SCFD2: variants seen among roughly 807,000 people sequenced by gnomAD.
The protein encoded by SCFD2 is sec1 family domain containing 2.
In SCFD2, 54 loss-of-function variants were observed where a neutral mutation model predicts 58.9. The ratio of observed to expected loss-of-function variants is 0.92; its 90% confidence interval spans 0.74 to 1.15. The LOEUF (loss-of-function observed/expected upper bound fraction) is 1.15, where lower values mean the gene tolerates loss of function less well. SCFD2 is among the 50% of genes most tolerant of loss of function. The pLI, the probability that SCFD2 is intolerant of heterozygous loss-of-function variation, is 0.00. For synonymous variants in SCFD2, 321 were observed against 335.9 expected (o/e 0.96, Z 0.49); for missense variants, 805 against 836.6 (o/e 0.96, Z 0.47).
intron 5 of SCFD2, among the ~76,000 whole-genome samples, chr4:53,125,813 A>C (rs1376241632): frequency 6.6e-6 from 1 of 152,246 alleles, no homozygotes; most frequent in Admixed American, 6.5e-5. Flanking sequence ...GGGCCTGATC[A>C]CTAAAGGGAG....
chr4:52,999,389 G>C (rs1480949591), intron 5 of SCFD2, among the ~76,000 whole-genome samples: 1 of 152,132 alleles, frequency 6.6e-6, no homozygotes, highest in East Asian at 1.9e-4. Flanking sequence ...TGTTCCTCTT[G>C]CCCAGAGGTA....
At chr4:52,970,230 C>A (rs960201251) in intron 5 of SCFD2, among the ~76,000 whole-genome samples, 3 of 152,184 alleles carry the variant, frequency 2.0e-5, no homozygotes, top group African/African-American at 7.2e-5. Flanking sequence ...ATCGCCTCAC[C>A]CGGTAAGTGC....
Position 53,226,224 on chromosome 4 carries a change from T to C in SCFD2, c.1311+47602A>G, listed in dbSNP as rs1729207669. ...GGTTTGTGATACTGCCTTTAACAAA[T>C]AAAAAAGTCACTAAAATACTCTTGC... On this transcript the variant is annotated intron_variant, in intron 4 of 8. Transcript: ENST00000401642. Among the ~76,000 whole-genome samples the C allele has an allele frequency of 2.6e-5, 4 of 152,132 alleles. No individual in the cohort carries two copies. The South Asian group carries it at 8.3e-4, about 32-fold the overall frequency.
chr4:53,121,693 T>C (rs1406268877), intron 5 of SCFD2, among the ~76,000 whole-genome samples: 7 of 152,198 alleles, frequency 4.6e-5, no homozygotes, highest in Admixed American at 3.9e-4. Context: ...ATCAGAATAG[T>C]GTCCTGCAAA....
At chr4:52,985,431 G>T (rs563848479) in intron 5 of SCFD2, among the ~76,000 whole-genome samples, 4 of 152,170 alleles carry the variant, frequency 2.6e-5, no homozygotes, top group African/African-American at 9.6e-5. Flanking sequence ...AAAATAGAAG[G>T]CTTTCAAGTT....
At chr4:53,359,056 A>G (rs1202027369) in intron 1 of SCFD2, among the ~76,000 whole-genome samples, 6 of 152,236 alleles carry the variant, frequency 3.9e-5, no homozygotes, top group Admixed American at 2.0e-4. Context: ...GCTTAGCACA[A>G]AATAGGCACT....
intron 5 of SCFD2, among the ~76,000 whole-genome samples, chr4:52,994,777 T>A (rs1433623428): frequency 1.3e-5 from 2 of 152,114 alleles, no homozygotes; most frequent in Non-Finnish European, 2.9e-5. Flanking sequence ...CATTCCCTCA[T>A]TAACAACAGG....
At chr4:53,178,692 A>C (rs528336102) in intron 4 of SCFD2, among the ~76,000 whole-genome samples, 2 of 152,340 alleles carry the variant, frequency 1.3e-5, no homozygotes, top group African/African-American at 4.8e-5. Context: ...CAGACTATCA[A>C]ACTACTCCGA....
chr4:53,241,885 G>A (rs559670463), intron 4 of SCFD2, among the ~76,000 whole-genome samples: 70 of 152,306 alleles, frequency 4.6e-4, no homozygotes, highest in African/African-American at 1.5e-3. Flanking sequence ...GGAAAACAGT[G>A]GACATGCCTC....
At chr4:53,355,020 A>T (rs1734360536) in intron 1 of SCFD2, among the ~76,000 whole-genome samples, 1 of 152,224 alleles carries the variant, frequency 6.6e-6, no homozygotes, top group African/African-American at 2.4e-5. Flanking sequence ...TTTTCAAGTT[A>T]CCGGGACCAG....
intron 5 of SCFD2, among the ~76,000 whole-genome samples, chr4:52,990,281 T>C (rs576624399): frequency 1.3e-5 from 2 of 152,352 alleles, no homozygotes; most frequent in African/African-American, 4.8e-5. Flanking sequence ...GCAAAATATA[T>C]AAGGCTCTGA....
At chr4:52,899,030 A>T (rs1451144410) in intron 7 of SCFD2, among the ~76,000 whole-genome samples, 2 of 151,740 alleles carry the variant, frequency 1.3e-5, no homozygotes, top group Non-Finnish European at 2.9e-5. Context: ...CTTTATTTTG[A>T]GCCTATGTGT....
intron 4 of SCFD2, among the ~76,000 whole-genome samples, chr4:53,247,445 T>C (rs1216802196): frequency 3.9e-5 from 6 of 152,360 alleles, no homozygotes; most frequent in Admixed American, 3.3e-4. Context: ...CACATGTATG[T>C]TCATTGCACT....
Position 53,077,276 on chromosome 4 carries a change from A to G in SCFD2, c.1561+68057T>C, listed in dbSNP as rs1724005936. ...TGTGTTTTATGGGTCATATTTCAGTATTAAGATCTAATTTTTATTTCTCAT... is the reference window on the plus strand; with the variant it reads ...TGTGTTTTATGGGTCATATTTCAGTGTTAAGATCTAATTTTTATTTCTCAT... On this transcript the variant is annotated intron_variant, in intron 5 of 8. Coordinates refer to ENST00000401642, the MANE Select transcript of SCFD2 (RefSeq NM_152540.4). Among the ~76,000 whole-genome samples, 4 of 152,174 alleles carry G rather than the reference A, an allele frequency of 2.6e-5. No homozygotes were observed. The South Asian group carries it at 6.2e-4, about 24-fold the overall frequency.
chr4:52,955,576 C>T (rs1307453767), intron 5 of SCFD2, among the ~76,000 whole-genome samples: 1 of 152,178 alleles, frequency 6.6e-6, no homozygotes, highest in Non-Finnish European at 1.5e-5. Context: ...TCAGGGAACA[C>T]CACTGGTAAG....
At chr4:53,330,935 G>A (rs952933884) in intron 2 of SCFD2, among the ~76,000 whole-genome samples, 98 of 151,468 alleles carry the variant, frequency 6.5e-4, no homozygotes, top group African/African-American at 2.2e-3. Context: ...AAAAAGGCAG[G>A]GGTTGCAATC....
At chr4:52,891,641 C>G (rs182560086) in intron 7 of SCFD2, among the ~76,000 whole-genome samples, 8 of 151,784 alleles carry the variant, frequency 5.3e-5, no homozygotes, top group African/African-American at 1.7e-4. Context: ...AAACGAAAAG[C>G]ATTTTTATTA....
intron 5 of SCFD2, among the ~76,000 whole-genome samples, chr4:53,092,611 A>T (rs537388634): frequency 2.6e-5 from 4 of 152,256 alleles, no homozygotes; most frequent in Non-Finnish European, 5.9e-5. Flanking sequence ...CTACTCAACA[A>T]TATAAAGGAA....
chr4:53,103,914 A>G (rs1724910890), intron 5 of SCFD2, among the ~76,000 whole-genome samples: 1 of 150,790 alleles, frequency 6.6e-6, no homozygotes, highest in Admixed American at 6.6e-5. Flanking sequence ...AAAAAAAAAA[A>G]AAGAAAATGA....
Sources: allele counts gnomAD v4.1 joint callset (sites outside exome capture counted in the v4.1 genomes callset), GRCh38; gene constraint gnomAD v4.1.1; transcripts MANE v1.5; gene names NCBI Gene and HGNC (gene_info 2026-07-23, HGNC 2026-07-21).